CCDC6: variants seen among roughly 807,000 people sequenced by gnomAD.
CCDC6 encodes the protein coiled-coil domain-containing protein 6.
CCDC6 carries 20 observed loss-of-function variants against 56.6 expected under a neutral mutation model. That is an observed-to-expected ratio of 0.35 (90% CI 0.25 to 0.51). The LOEUF (loss-of-function observed/expected upper bound fraction) is 0.51. Among genes scored for constraint, CCDC6 ranks in the 20% least tolerant of loss-of-function variants. The probability of loss-of-function intolerance (pLI) is 0.95; values close to 1 mark genes in which losing one functional copy is unlikely to be tolerated. For synonymous variants in CCDC6, 241 were observed against 234.4 expected, an observed-to-expected ratio of 1.03 and a Z score of -0.26; for missense variants, 367 against 601.1, an observed-to-expected ratio of 0.61 and a Z score of 4.07.
intron 1 of CCDC6, among the ~76,000 whole-genome samples, chr10:59,900,559 A>G (rs886447365): frequency 2.0e-5 from 3 of 152,152 alleles, no homozygotes; most frequent in Non-Finnish European, 2.9e-5. Context: ...AGCCTGGTAA[A>G]CCACCAGAAG....
chr10:59,851,728 C>T (rs2071041265), intron 2 of CCDC6, among the ~76,000 whole-genome samples: 1 of 152,122 alleles, frequency 6.6e-6, no homozygotes, highest in South Asian at 2.1e-4. Flanking sequence ...GATGTTAAAA[C>T]ATATGGGGGT....
intron 3 of CCDC6, among the ~76,000 whole-genome samples, chr10:59,828,949 C>T (rs1032110235): frequency 1.3e-5 from 2 of 152,218 alleles, no homozygotes; most frequent in Non-Finnish European, 2.9e-5. Context: ...AATTATAATA[C>T]TGCAAAACAC....
rs2070471036 is a variant in CCDC6 at position 59,791,912 on chromosome 10, C to T, written c.*1005G>A. 1 of 220,240 alleles carries T rather than the reference C, an allele frequency of 4.5e-6. No individual in the cohort carries two copies. The highest frequency in any genetic ancestry group is 1.4e-3 in the Middle Eastern group (1 of 710). 13.6% of individuals were successfully genotyped at this position (220,240 alleles called of 1,614,324 possible). A position where few individuals can be genotyped will look rare whatever the true frequency, so the allele number is the denominator to read the frequency against. On this transcript the variant is annotated 3_prime_UTR_variant, in exon 9 of 9. Transcript: ENST00000263102. ...CCTTTAGACCTTATTTTCTTTTCTG[C>T]CAAGCAATACAATATTTTCTGGCCA...
intron 2 of CCDC6, among the ~76,000 whole-genome samples, chr10:59,849,451 A>C (rs992522673): frequency 6.6e-6 from 1 of 152,196 alleles, no homozygotes; most frequent in Admixed American, 6.5e-5. Flanking sequence ...ACTTGATTCT[A>C]TTTTTTAAAG....
At chr10:59,841,825 G>A (rs969923207) in intron 2 of CCDC6, among the ~76,000 whole-genome samples, 1 of 148,712 alleles carries the variant, frequency 6.7e-6, no homozygotes. Flanking sequence ...CTACAACCAC[G>A]CCCGGCTAAT....
chr10:59,818,587 C>T (rs939174032), intron 3 of CCDC6, among the ~76,000 whole-genome samples: 3 of 150,340 alleles, frequency 2.0e-5, no homozygotes, highest in Non-Finnish European at 4.4e-5. Flanking sequence ...TCCAGATACT[C>T]GAGTTTACTT....
intron 7 of CCDC6, among the ~76,000 whole-genome samples, chr10:59,801,917 C>G (rs1160615748): frequency 1.3e-5 from 2 of 152,198 alleles, no homozygotes; most frequent in Admixed American, 1.3e-4. Context: ...CCCAGCTCAT[C>G]TCGTACATTC....
chr10:59,820,862 T>G (rs569948884), intron 3 of CCDC6, among the ~76,000 whole-genome samples: 7 of 152,102 alleles, frequency 4.6e-5, no homozygotes, highest in African/African-American at 1.7e-4. Flanking sequence ...TAGATTTTTT[T>G]TTTTTTTTTT....
intron 3 of CCDC6, among the ~76,000 whole-genome samples, chr10:59,824,658 A>T (rs1011066730): frequency 6.6e-6 from 1 of 152,128 alleles, no homozygotes; most frequent in Non-Finnish European, 1.5e-5. Context: ...AAATCCACTT[A>T]AAAAAGAGAG....
Position 59,897,626 on chromosome 10 carries a change from A to C in CCDC6, c.303+8496T>G, listed in dbSNP as rs938671302. On this transcript the variant is annotated intron_variant, in intron 1 of 8. Transcript: ENST00000263102. ...CATGAGTTGAAAAGTTATCTATATG[A>C]AACTCCAGGTATAATTATTTTTCTC... Among the ~76,000 whole-genome samples, 5 of 152,210 alleles carry C rather than the reference A, an allele frequency of 3.3e-5. No homozygotes were observed. The South Asian group carries it at 8.3e-4, about 25-fold the overall frequency.
intron 1 of CCDC6, among the ~76,000 whole-genome samples, chr10:59,862,516 T>TATATATATATATATATACAC (rs1554886091): frequency 1.2e-4 from 12 of 97,188 alleles, no homozygotes; most frequent in Non-Finnish European, 2.3e-4. Flanking sequence ...TATATATATA[T>TATATATATATATATATACAC]ACACACACAC....
At chr10:59,801,731 ATTTG>A (rs1385678831) in intron 7 of CCDC6, among the ~76,000 whole-genome samples, 4 of 152,068 alleles carry the variant, frequency 2.6e-5, no homozygotes, top group African/African-American at 9.7e-5. Context: ...GACTTTGGAT[ATTTG>A]TTTGATGTTT....
At chr10:59,805,444 T>C (rs757469552) in intron 6 of CCDC6, 7 of 152,210 alleles carry the variant, frequency 4.6e-5, no homozygotes, top group Non-Finnish European at 7.3e-5. Flanking sequence ...GCAAACTTTC[T>C]GAAATGAATA....
At chr10:59,894,465 C>G (rs1322232883) in intron 1 of CCDC6, among the ~76,000 whole-genome samples, 2 of 152,212 alleles carry the variant, frequency 1.3e-5, no homozygotes, top group Non-Finnish European at 2.9e-5. Flanking sequence ...ACTCTGCCTC[C>G]ACTCCTGGAT....
chr10:59,813,192 G>T (rs1589038015), intron 4 of CCDC6, among the ~76,000 whole-genome samples: 1 of 152,114 alleles, frequency 6.6e-6, no homozygotes, highest in East Asian at 1.9e-4. Context: ...TACGGCTTTT[G>T]ATTGAAGCTT....
chr10:59,889,358 A>C (rs2071405399), intron 1 of CCDC6, among the ~76,000 whole-genome samples: 1 of 152,236 alleles, frequency 6.6e-6, no homozygotes, highest in African/African-American at 2.4e-5. Flanking sequence ...TCTGGGCTGC[A>C]TGGGATGCTA....
At chr10:59,831,575 C>A (rs900795834) in intron 3 of CCDC6, among the ~76,000 whole-genome samples, 11 of 152,130 alleles carry the variant, frequency 7.2e-5, no homozygotes, top group Admixed American at 3.9e-4. Flanking sequence ...CTAATCAGGG[C>A]AATCAGGATC....
intron 2 of CCDC6, among the ~76,000 whole-genome samples, chr10:59,833,486 G>A (rs2070850789): frequency 6.6e-6 from 1 of 151,968 alleles, no homozygotes; most frequent in Non-Finnish European, 1.5e-5. Flanking sequence ...AAAAGATAAG[G>A]CTAAGGTGTC....
chr10:59,869,142 G>T (rs1035569849), intron 1 of CCDC6, among the ~76,000 whole-genome samples: 1 of 151,518 alleles, frequency 6.6e-6, no homozygotes, highest in African/African-American at 2.4e-5. Flanking sequence ...TCCCTACCAC[G>T]CCCTAATGAT....
Sources: gnomAD v4.1 joint callset for allele counts (sites outside exome capture counted in the v4.1 genomes callset) on GRCh38, gnomAD v4.1.1 for gene constraint, MANE v1.5 for transcripts, NCBI Gene and HGNC (gene_info 2026-07-23, HGNC 2026-07-21) for gene names.